MACF1: variants seen among roughly 807,000 people sequenced by gnomAD.
MACF1 encodes the protein microtubule-actin cross-linking factor 1.
A neutral mutation model predicts 854.8 loss-of-function variants in MACF1; 193 were observed. The ratio of observed to expected loss-of-function variants is 0.23; its 90% CI spans 0.20 to 0.25. The LOEUF is 0.25. Among genes scored for constraint, MACF1 ranks in the 10% least tolerant of loss-of-function variants. The pLI is 1.00. For missense variants in MACF1, 7,722 were observed against 8,929.1 expected, an observed-to-expected ratio of 0.86 and a Z score of 5.45; for synonymous variants, 3,185 against 3,226.7, an observed-to-expected ratio of 0.99 and a Z score of 0.44.
chr1:39,120,839 A>G (rs1309441891), intron 2 of MACF1: 1 of 152,186 alleles, frequency 6.6e-6, no homozygotes, highest in East Asian at 1.9e-4. Context: ...CAAACAATCT[A>G]ATTACACTCT....
chr1:39,380,146 T>G, intron 54 of MACF1, 98 bp from the exon 55 acceptor site: 1 of 1,213,136 alleles, frequency 8.2e-7, no homozygotes, highest in Non-Finnish European at 1.2e-6. Flanking sequence ...CCTAGTAGAG[T>G]CTATAATAAC....
chr1:39,149,663 G>A (rs1477540187), intron 2 of MACF1, among the ~76,000 whole-genome samples: 1 of 152,116 alleles, frequency 6.6e-6, no homozygotes, highest in South Asian at 2.1e-4. Flanking sequence ...GACATGCTCC[G>A]GTGGAAATGT....
chr1:39,235,068 G>A (rs58515988), intron 2 of MACF1, among the ~76,000 whole-genome samples: 1,587 of 126,840 alleles, frequency 0.013, no homozygotes, highest in Admixed American at 0.019. Context: ...ATGATGGGCG[G>A]CCAGGCAGAG....
intron 2 of MACF1, among the ~76,000 whole-genome samples, chr1:39,117,533 G>GGTGT (rs67609869): frequency 0.29 from 42,373 of 147,404 alleles, 6,170 homozygotes; most frequent in South Asian, 0.52. Flanking sequence ...ACCTGCAAGA[G>GGTGT]GTGTGTGTGT....
At chr1:39,168,451 GGGCTTT>G (rs1213504522) in intron 2 of MACF1, among the ~76,000 whole-genome samples, 2 of 152,154 alleles carry the variant, frequency 1.3e-5, no homozygotes, top group Non-Finnish European at 2.9e-5. Flanking sequence ...GGAAGAACAT[GGGCTTT>G]GGATCCAGGC....
intron 2 of MACF1, among the ~76,000 whole-genome samples, chr1:39,196,011 G>C (rs1644315016): frequency 6.6e-6 from 1 of 152,130 alleles, no homozygotes; most frequent in Admixed American, 6.6e-5. Context: ...TCCAAATAAT[G>C]ACAATTATAA....
At chr1:39,095,374 A>G (rs1014238778) in intron 2 of MACF1, among the ~76,000 whole-genome samples, 2 of 150,642 alleles carry the variant, frequency 1.3e-5, no homozygotes, top group South Asian at 2.1e-4. Context: ...CATCCTGGCC[A>G]ACATGGTGAA....
chr1:39,249,101 T>A (rs1009005761), intron 2 of MACF1, among the ~76,000 whole-genome samples: 1 of 152,068 alleles, frequency 6.6e-6, no homozygotes, highest in Non-Finnish European at 1.5e-5. Flanking sequence ...AGAAATCCAA[T>A]TGCCACTTAA....
At chr1:39,442,348 G>T in intron 76 of MACF1, 28 bp downstream of exon 76, 1 of 1,601,476 alleles carries the variant, frequency 6.2e-7, no homozygotes, top group Non-Finnish European at 8.5e-7. Flanking sequence ...TGACATCAGT[G>T]AACTACTCTC....
At chr1:39,358,912 T>C in intron 46 of MACF1, 39 bp downstream of exon 46, 2 of 1,564,642 alleles carry the variant, frequency 1.3e-6, no homozygotes, top group Non-Finnish European at 1.7e-6. Context: ...TGTCAAGACC[T>C]TGTATTCCAT....
In MACF1 at chr1:39,385,805, T is replaced by G; in HGVS notation, c.14220T>G (p.Val4740=). The change falls in exon 57 of 101, where the codon GTT becomes GTG. Residue 4740 remains valine (V), a synonymous_variant. Coordinates refer to ENST00000564288, the MANE Select transcript of MACF1 (RefSeq NM_001394062.1). ...ACTTGGAGCAGTTAGACCACGAGGT[T>G]AAGGAGGCTCAGACACTGTGCGATG... ...RSDLEQLDHE[V]KEAQTLCDEL... 6.2e-7 allele frequency: 1 copy of G among 1,614,118 alleles called. No individual in the cohort carries two copies. Among genetic ancestry groups the G allele is most frequent in the Non-Finnish European group, 8.5e-7 (1 of 1,180,018 alleles).
chr1:39,480,168 A>G, intron 98 of MACF1, 159 bp downstream of exon 98: 1 of 498,904 alleles, frequency 2.0e-6, no homozygotes, highest in South Asian at 2.1e-5. Context: ...ACAGATCAAG[A>G]CTGCCCTGTT....
chr1:39,185,503 T>TAA (rs879320616), intron 2 of MACF1, among the ~76,000 whole-genome samples: 1 of 146,332 alleles, frequency 6.8e-6, no homozygotes, highest in Non-Finnish European at 1.5e-5. Context: ...CCAGTTTCTT[T>TAA]AAAAAAAAAA....
chr1:39,305,908 G>T (rs1006634609), intron 23 of MACF1, among the ~76,000 whole-genome samples: 2 of 152,054 alleles, frequency 1.3e-5, no homozygotes, highest in Admixed American at 6.5e-5. Context: ...CCCACTAACT[G>T]CATGCCACTC....
intron 47 of MACF1, among the ~76,000 whole-genome samples, chr1:39,359,794 C>T (rs1208012632): frequency 1.3e-5 from 2 of 150,560 alleles, no homozygotes; most frequent in Non-Finnish European, 3.0e-5. Flanking sequence ...GAAGATGAAA[C>T]CCCGTCTCTA....
chr1:39,334,765 T>C lies in MACF1; in HGVS notation c.8177T>C (p.Val2726Ala). 1 of 1,614,058 alleles carries C rather than the reference T, an allele frequency of 6.2e-7. No individual in the cohort carries two copies. Among genetic ancestry groups the C allele is most frequent in the Non-Finnish European group, 8.5e-7 (1 of 1,179,984 alleles). The change falls in exon 37 of 101, where the codon GTG (valine) becomes GCG (alanine). Residue 2726 changes from valine to alanine, a missense_variant. Transcript: ENST00000564288. ...NMVRIIASHQVLNGGIVDIFS... is the reference protein window; with the variant it reads ...NMVRIIASHQALNGGIVDIFS... ...GTCAGAATTATTGCATCTCATCAGG[T>C]GTTAAATGGAGGAATTGTTGACATA...
chr1:39,361,381 C>T lies in MACF1; in HGVS notation c.12475C>T (p.Arg4159Trp), dbSNP rs757142123. The part of the protein sequence containing the change: ...TNMKLKQDIA[R>W]QKSSLEATRE... The stretch of plus-strand genomic sequence containing the variant: ...ACAGAAATTGAAGCAGGACATTGCT[C>T]GGCAAAAGAGCAGCTTGGAGGCCAC... Residue 4159 changes from arginine (R) to tryptophan (W), a missense_variant, in exon 49 of 101, where the codon CGG becomes TGG. Arg to Trp is a moderately radical substitution (Grantham distance 101). Around this residue, in one of 15 missense-constraint regions of MACF1, gnomAD observed 2,807 missense variants for 3,235.8 expected, o/e 0.87. Coordinates refer to ENST00000564288, the MANE Select transcript of MACF1 (RefSeq NM_001394062.1). 19 of 1,613,208 alleles carry T rather than the reference C, an allele frequency of 1.2e-5. No individual in the cohort carries two copies. The highest frequency in any genetic ancestry group is 1.2e-4 in the Admixed American group (7 of 59,976).
rs1307063259 is a variant in MACF1 at position 39,335,203 on chromosome 1, A to G, written c.8615A>G (p.Asn2872Ser). The change falls in exon 37 of 101, where the codon AAT becomes AGT. Residue 2872 changes from asparagine to serine, a missense_variant. Asn to Ser is a conservative substitution (Grantham distance 46, BLOSUM62 1). Coordinates refer to ENST00000564288, the MANE Select transcript of MACF1 (RefSeq NM_001394062.1). ...KEFISIINPH[N>S]LKGKSLGQVS... ...TTTATCAGTATCATAAATCCTCATA[A>G]TCTTAAAGGTAAATCCTTGGGCCAA... 1 of 1,614,006 alleles carries G rather than the reference A, an allele frequency of 6.2e-7. No homozygotes were observed. Among genetic ancestry groups the G allele is most frequent in the Non-Finnish European group, 8.5e-7 (1 of 1,179,974 alleles).
rs773526464 is a variant in MACF1 at position 39,133,945 on chromosome 1, C to T, written c.220+49507C>T. 3.6e-4 allele frequency among the ~76,000 whole-genome samples: 55 copies of T among 150,954 alleles called. No homozygotes were observed. The Middle Eastern group carries it at 0.01, about 28-fold the overall frequency. ...TCATTTTTGGGTTTTGTGAATACTACGAACAGCTTTTCCTAGTTTGCTAGG... is the reference window on the plus strand; with the variant it reads ...TCATTTTTGGGTTTTGTGAATACTATGAACAGCTTTTCCTAGTTTGCTAGG... On this transcript the variant is annotated intron_variant, in intron 2 of 93. Coordinates refer to the MACF1 transcript ENST00000361689.
Sources: allele counts gnomAD v4.1 joint callset (sites outside exome capture counted in the v4.1 genomes callset), GRCh38; gene constraint gnomAD v4.1.1; regional missense constraint gnomAD v4.1.1; transcripts MANE v1.5; gene names NCBI Gene and HGNC (gene_info 2026-07-23, HGNC 2026-07-21).